EIF4G3: variants seen among roughly 807,000 people sequenced by gnomAD.
EIF4G3 encodes eukaryotic translation initiation factor 4 gamma 3, also known as eIF-4-gamma 3.
EIF4G3 carries 34 observed loss-of-function variants against 186.4 expected under a neutral mutation model. That is an observed-to-expected ratio of 0.18 (90% CI 0.14 to 0.24). EIF4G3 has a LOEUF of 0.24. EIF4G3 is among the 10% of genes least tolerant of loss of function. The probability of loss-of-function intolerance (pLI) is 1.00; values close to 1 mark genes in which losing one functional copy is unlikely to be tolerated. For missense variants in EIF4G3, 1,536 were observed against 1,948.5 expected, an observed-to-expected ratio of 0.79 and a Z score of 3.99; for synonymous variants, 673 against 679.5, an observed-to-expected ratio of 0.99 and a Z score of 0.15.
chr1:21,123,382 GC>G (rs1558067933), intron 2 of EIF4G3, among the ~76,000 whole-genome samples: 1 of 151,812 alleles, frequency 6.6e-6, no homozygotes, highest in Non-Finnish European at 1.5e-5. Flanking sequence ...GTCCAACACG[GC>G]AAAACCCTGT....
At chr1:20,881,070 C>T (rs1490897451) in intron 19 of EIF4G3, among the ~76,000 whole-genome samples, 2 of 152,118 alleles carry the variant, frequency 1.3e-5, no homozygotes, top group East Asian at 3.9e-4. Flanking sequence ...TGAATTCACA[C>T]AACCAGATTT....
At chr1:21,119,777 T>C (rs889202361) in intron 2 of EIF4G3, among the ~76,000 whole-genome samples, 4 of 152,106 alleles carry the variant, frequency 2.6e-5, no homozygotes, top group African/African-American at 9.7e-5. Flanking sequence ...GATACAAGGA[T>C]GTAAGGTAGA....
rs79850526 is a variant in EIF4G3 at position 20,873,478 on chromosome 1, T to C, written c.2622+5845A>G. 4.0e-3 allele frequency among the ~76,000 whole-genome samples: 615 copies of C among 152,342 alleles called. 6 individuals are homozygous for C. The highest frequency in any genetic ancestry group is 0.014 in the African/African-American group (576 of 41,574). On this transcript the variant is annotated intron_variant, in intron 20 of 36. Coordinates refer to ENST00000602326, the MANE Select transcript of EIF4G3 (RefSeq NM_001391906.1). ...GTTGCAATCAGTATGCGAGAGTTCT[T>C]GTTGTTTCACGTTTGTAAATATCTG...
chr1:21,023,232 TCCCCCTC>T (rs2091189434), intron 4 of EIF4G3, among the ~76,000 whole-genome samples: 1 of 18,410 alleles, frequency 5.4e-5, no homozygotes. Flanking sequence ...TCCCTCTCCC[TCCCCCTC>T]CCCTCCCCCT....
intron 15 of EIF4G3, among the ~76,000 whole-genome samples, chr1:20,903,198 A>G (rs1323140908): frequency 1.3e-5 from 2 of 152,234 alleles, no homozygotes; most frequent in African/African-American, 4.8e-5. Context: ...TTTTGTGAAG[A>G]TACAACCTTG....
chr1:20,962,783 C>T (rs995313280), intron 12 of EIF4G3, among the ~76,000 whole-genome samples: 9 of 152,084 alleles, frequency 5.9e-5, no homozygotes, highest in South Asian at 2.1e-4. Flanking sequence ...GTATTTTAAG[C>T]GGATACTCTC....
intron 2 of EIF4G3, among the ~76,000 whole-genome samples, chr1:21,163,254 C>G (rs898524178): frequency 1.3e-5 from 2 of 152,190 alleles, no homozygotes; most frequent in African/African-American, 4.8e-5. Context: ...TACACTCACT[C>G]AGTCACACAA....
intron 7 of EIF4G3, among the ~76,000 whole-genome samples, chr1:20,995,761 G>A (rs1292020387): frequency 6.6e-6 from 1 of 152,070 alleles, no homozygotes; most frequent in African/African-American, 2.4e-5. Context: ...TGTGGTCAAT[G>A]GTAACGTTAA....
intron 10 of EIF4G3, among the ~76,000 whole-genome samples, chr1:20,975,626 T>G (rs997029118): frequency 6.7e-6 from 1 of 149,206 alleles, no homozygotes; most frequent in Non-Finnish European, 1.5e-5. Context: ...TAATAGTATA[T>G]TATTATAAAT....
rs151216761 is a variant in EIF4G3, at chr1:21,141,876, A to G, written c.-272+34299T>C. 4.2e-4 allele frequency among the ~76,000 whole-genome samples: 64 copies of G among 152,060 alleles called. 1 individual carries two copies. The highest frequency in any genetic ancestry group is 1.3e-3 in the African/African-American group (56 of 41,490). ...AGCCTGGGAAATCGACGCTGCAGTG[A>G]GCTGTGATTATGCCACCACGCTCCA... On this transcript the variant is annotated intron_variant, in intron 2 of 36. Transcript: ENST00000602326.
chr1:21,145,070 G>C (rs1275021223), intron 2 of EIF4G3, among the ~76,000 whole-genome samples: 2 of 151,846 alleles, frequency 1.3e-5, no homozygotes, highest in Non-Finnish European at 2.9e-5. Context: ...TTGAGGCCAG[G>C]AGTTAAGAGA....
intron 2 of EIF4G3, among the ~76,000 whole-genome samples, chr1:21,097,985 A>T (rs1362121919): frequency 6.6e-6 from 1 of 152,176 alleles, no homozygotes; most frequent in Non-Finnish European, 1.5e-5. Context: ...TCATGCCTGT[A>T]ATCAAAGCAC....
At chr1:20,819,512 C>T (rs1303055252) in intron 33 of EIF4G3, among the ~76,000 whole-genome samples, 1 of 151,830 alleles carries the variant, frequency 6.6e-6, no homozygotes, top group Non-Finnish European at 1.5e-5. Context: ...GGTTGCAGTG[C>T]AATGGCACTA....
intron 35 of EIF4G3, among the ~76,000 whole-genome samples, chr1:20,812,885 A>G (rs940176315): frequency 1.3e-5 from 2 of 152,224 alleles, no homozygotes; most frequent in African/African-American, 2.4e-5. Context: ...AAGTGAAAAG[A>G]TAAAGAAAAA....
At chr1:21,089,087 G>A (rs2096090177) in intron 3 of EIF4G3, 51 bp downstream of exon 3, 1 of 697,780 alleles carries the variant, frequency 1.4e-6, no homozygotes, top group Admixed American at 2.2e-5. Flanking sequence ...TTAATACCAA[G>A]GATTCACACA....
chr1:20,852,643 A>G (rs1204179236), intron 27 of EIF4G3, among the ~76,000 whole-genome samples: 1 of 152,168 alleles, frequency 6.6e-6, no homozygotes, highest in Non-Finnish European at 1.5e-5. Context: ...AGCAAATTAA[A>G]AGGGAAAAGG....
chr1:20,966,632 T>C (rs1431940673), intron 12 of EIF4G3, among the ~76,000 whole-genome samples: 3 of 151,974 alleles, frequency 2.0e-5, no homozygotes, highest in Non-Finnish European at 4.4e-5. Context: ...CCACCACCCC[T>C]GGCTAGTTTT....
rs569342363 is a variant in EIF4G3 at position 21,009,651 on chromosome 1, G to T, written c.-66-6843C>A. Among the ~76,000 whole-genome samples, 9 of 151,516 alleles carry T rather than the reference G, an allele frequency of 5.9e-5. No individual in the cohort carries two copies. In the East Asian group the frequency reaches 1.8e-3, roughly 30 times the overall value. On this transcript the variant is annotated intron_variant, in intron 4 of 36. Transcript: ENST00000602326. The stretch of plus-strand genomic sequence containing the variant: ...AACTGTCTTCTTCTTCTTTTTTTGG[G>T]GGGTGCTGGGGGGGTAGTGGGGGGA...
intron 14 of EIF4G3, among the ~76,000 whole-genome samples, chr1:20,931,695 G>A (rs561450539): frequency 6.6e-6 from 1 of 152,290 alleles, no homozygotes; most frequent in South Asian, 2.1e-4. Context: ...GGGAGGCCAA[G>A]GTGGGCAGAT....
Sources: allele counts gnomAD v4.1 joint callset (sites outside exome capture counted in the v4.1 genomes callset), GRCh38; gene constraint gnomAD v4.1.1; transcripts MANE v1.5; gene names NCBI Gene and HGNC (gene_info 2026-07-23, HGNC 2026-07-21).